TENM3: variants seen among roughly 807,000 people sequenced by gnomAD.
The protein encoded by TENM3 is teneurin-3.
A neutral mutation model predicts 255.1 loss-of-function variants in TENM3; 63 were observed. The observed-to-expected ratio is 0.25, with a 90% CI of 0.20 to 0.30. The LOEUF (loss-of-function observed/expected upper bound fraction) is 0.30, where lower values mean the gene tolerates loss of function less well. Ranked by LOEUF, TENM3 falls within the 10% of genes least tolerant of loss-of-function variation. The probability of loss-of-function intolerance (pLI) is 1.00; values close to 1 mark genes in which losing one functional copy is unlikely to be tolerated. For synonymous variants in TENM3, 1,306 were observed against 1,322.3 expected (o/e 0.99, Z 0.27); for missense variants, 2,929 against 3,461.1 (o/e 0.85, Z 3.86).
At chr4:182,679,524 C>T in intron 7 of TENM3, 142 bp from the exon 8 acceptor site, 1 of 659,460 alleles carries the variant, frequency 1.5e-6, no homozygotes, top group Non-Finnish European at 2.6e-6. Context: ...GCATGGGAGA[C>T]TTCTACCATT....
the TENM3 span, among the ~76,000 whole-genome samples, chr4:181,468,842 G>T: frequency 6.6e-6 from 1 of 152,152 alleles, no homozygotes; most frequent in Non-Finnish European, 1.5e-5. Flanking sequence ...GGAATCCTCA[G>T]CTTTCCTCAC....
At chr4:181,657,940 T>C in the TENM3 span, among the ~76,000 whole-genome samples, 3 of 151,974 alleles carry the variant, frequency 2.0e-5, no homozygotes, top group African/African-American at 7.3e-5. Context: ...AAGCGTTGGG[T>C]ACACATGGAC....
At chr4:181,533,132 G>T in the TENM3 span, among the ~76,000 whole-genome samples, 1 of 152,112 alleles carries the variant, frequency 6.6e-6, no homozygotes, top group East Asian at 1.9e-4. Context: ...TATTAGGGCA[G>T]GACCGGGAGG....
At chr4:181,915,723 G>A in the TENM3 span, among the ~76,000 whole-genome samples, 3 of 151,598 alleles carry the variant, frequency 2.0e-5, no homozygotes, top group South Asian at 2.1e-4. Flanking sequence ...GAGGGGAGAG[G>A]AGAGGAGAGG....
chr4:182,009,720 A>C, the TENM3 span, among the ~76,000 whole-genome samples: 1 of 152,056 alleles, frequency 6.6e-6, no homozygotes, highest in African/African-American at 2.4e-5. Flanking sequence ...CCAGGCAGCC[A>C]CAGCTGGTGC....
the TENM3 span, among the ~76,000 whole-genome samples, chr4:181,950,416 G>A: frequency 3.5e-3 from 539 of 152,276 alleles, no homozygotes; most frequent in Non-Finnish European, 5.4e-3. Flanking sequence ...GGACGCGCAT[G>A]AAACTTTTCA....
chr4:181,596,282 C>A, the TENM3 span, among the ~76,000 whole-genome samples: 1 of 152,204 alleles, frequency 6.6e-6, no homozygotes, highest in Non-Finnish European at 1.5e-5. Context: ...CAAATCTGAT[C>A]TAGAAGTAGC....
chr4:182,410,118 C>T (rs1580446796), intron 3 of TENM3, among the ~76,000 whole-genome samples: 2 of 152,350 alleles, frequency 1.3e-5, no homozygotes, highest in East Asian at 3.9e-4. Context: ...TGGGCCACTG[C>T]ACTCAGCCCC....
rs567923697 is a variant in TENM3, at chr4:182,218,397, G to A, written c.-76+73643G>A. Among the ~76,000 whole-genome samples the A allele has an allele frequency of 1.7e-4, 26 of 152,226 alleles. No homozygotes were observed. In the East Asian group the frequency reaches 2.5e-3, roughly 15 times the overall value. On this transcript the variant is annotated intron_variant, in intron 1 of 2. Transcript: ENST00000512480. ...CCTCTGTTACTCTTCCAGTTTTTAC[G>A]ATAATTTCATGATAACTTCCTGGGT...
chr4:182,158,341 G>A (rs1750856624), intron 1 of TENM3, among the ~76,000 whole-genome samples: 1 of 152,222 alleles, frequency 6.6e-6, no homozygotes, highest in Non-Finnish European at 1.5e-5. Flanking sequence ...TGCAGCCTGG[G>A]TTTGGCAGTT....
the TENM3 span, among the ~76,000 whole-genome samples, chr4:181,452,611 G>A: frequency 1.3e-5 from 2 of 152,154 alleles, no homozygotes; most frequent in Non-Finnish European, 2.9e-5. Flanking sequence ...AGGCTGAACT[G>A]TGCATCAATT....
At chr4:182,753,305 C>T (rs948966302) in intron 20 of TENM3, 145 bp from the exon 21 acceptor site, 6 of 623,544 alleles carry the variant, frequency 9.6e-6, no homozygotes, top group African/African-American at 3.7e-5. Context: ...TTTTTTCTAA[C>T]GTGTTTGCAA....
In TENM3 at chr4:182,754,616, T is replaced by C; in HGVS notation, c.4249T>C (p.Tyr1417His). Residue 1417 changes from tyrosine to histidine, a missense_variant, in exon 22 of 28, where the codon TAC (tyrosine) becomes CAC (histidine). This residue lies in a region of TENM3 where 1,608 missense variants were observed against 1,884.4 expected (regional missense o/e 0.85). Coordinates refer to ENST00000511685, the MANE Select transcript of TENM3 (RefSeq NM_001080477.4). The surrounding 1 kb of genome is among the most constrained non-coding windows in gnomAD (Gnocchi z 5.1). ...AIAVSYSGVL[Y>H]ITETDEKKIN... ...TGCTGTGTCCTACAGTGGGGTCCTG[T>C]ACATTACTGAAACTGATGAGAAGAA... The C allele has an allele frequency of 6.2e-7, 1 of 1,614,018 alleles. No homozygotes were observed. Among genetic ancestry groups the C allele is most frequent in the South Asian group, 1.1e-5 (1 of 91,080 alleles).
the TENM3 span, among the ~76,000 whole-genome samples, chr4:181,866,368 T>C: frequency 6.6e-6 from 1 of 152,232 alleles, no homozygotes; most frequent in Non-Finnish European, 1.5e-5. Flanking sequence ...CAACTGCTCC[T>C]CCACGCGGTT....
the TENM3 span, among the ~76,000 whole-genome samples, chr4:181,537,399 G>A: frequency 1.3e-5 from 2 of 152,088 alleles, no homozygotes; most frequent in South Asian, 2.1e-4. Flanking sequence ...GAAATTAACC[G>A]AGCATCTGGG....
At chr4:182,629,019 A>G in intron 5 of TENM3, 130 bp downstream of exon 5, 4 of 646,546 alleles carry the variant, frequency 6.2e-6, no homozygotes, top group South Asian at 6.0e-5. Context: ...TTTGGTAATA[A>G]TGTATCATAA....
At chr4:182,058,909 G>A in the TENM3 span, among the ~76,000 whole-genome samples, 96 of 150,934 alleles carry the variant, frequency 6.4e-4, no homozygotes, top group African/African-American at 2.3e-3. Flanking sequence ...GTTTTTGAAG[G>A]AGCTAAAACA....
At chr4:182,497,230 A>G (rs915719244) in intron 3 of TENM3, among the ~76,000 whole-genome samples, 1 of 151,070 alleles carries the variant, frequency 6.6e-6, no homozygotes, top group African/African-American at 2.4e-5. Flanking sequence ...TTTTTTTTTT[A>G]TTTTAGTAGA....
intron 23 of TENM3, among the ~76,000 whole-genome samples, chr4:182,774,513 G>A (rs1486005082): frequency 6.6e-6 from 1 of 152,196 alleles, no homozygotes; most frequent in Non-Finnish European, 1.5e-5. Flanking sequence ...ATCTTTGACA[G>A]AAGATGCAGG....
Sources: allele counts gnomAD v4.1 joint callset (sites outside exome capture counted in the v4.1 genomes callset), GRCh38; gene constraint gnomAD v4.1.1; regional missense constraint gnomAD v4.1.1; non-coding constraint Gnocchi (gnomAD v3.1); transcripts MANE v1.5; gene names NCBI Gene and HGNC (gene_info 2026-07-23, HGNC 2026-07-21).